NCAM2: variants seen among roughly 807,000 people sequenced by gnomAD.
NCAM2 encodes neural cell adhesion molecule 2, also known as N-CAM-2.
NCAM2 carries 30 observed loss-of-function variants against 98.1 expected under a neutral mutation model. The observed-to-expected ratio is 0.31, with a 90% CI of 0.23 to 0.41. NCAM2 has a LOEUF of 0.41. NCAM2 is among the 10% of genes least tolerant of loss of function. The probability of loss-of-function intolerance (pLI) is 1.00; values close to 1 mark genes in which losing one functional copy is unlikely to be tolerated. For missense variants in NCAM2, 867 were observed against 1,005.8 expected, an observed-to-expected ratio of 0.86 and a Z score of 1.87; for synonymous variants, 368 against 342.4, an observed-to-expected ratio of 1.07 and a Z score of -0.83.
At position 21,536,397 on chromosome 21, in the gene NCAM2, T is replaced by C. The variant is rs190417246; in HGVS notation, c.2403-1449T>C. ...GGATTGGAATACTATTTCTTTCTTT[T>C]TTTTTTTTTTCCGAGACTAGTTTCG... is the stretch of plus-strand genomic sequence containing the variant. On this transcript the variant is annotated intron_variant, in intron 17 of 17. Transcript: ENST00000400546. 4.2e-4 allele frequency among the ~76,000 whole-genome samples: 52 copies of C among 124,022 alleles called. 1 individual carries two copies. The East Asian group carries it at 9.2e-3, about 22-fold the overall frequency. The allele number at this position is 124,022 out of a possible 152,430, so 81.4% of individuals were successfully genotyped here. A position where few individuals can be genotyped will look rare whatever the true frequency, so the allele number is the denominator to read the frequency against.
intron 1 of NCAM2, among the ~76,000 whole-genome samples, chr21:21,053,116 GTTA>G (rs1189534606): frequency 3.3e-5 from 5 of 151,578 alleles, no homozygotes; most frequent in East Asian, 1.9e-4. Context: ...ATATTAAATA[GTTA>G]TTATAATTCT....
At chr21:21,239,375 G>A (rs750279813) in intron 1 of NCAM2, 1 of 152,170 alleles carries the variant, frequency 6.6e-6, no homozygotes, top group Non-Finnish European at 1.5e-5. Context: ...CAGGAGACAG[G>A]ATGCAAGCAG....
rs558630399 is a variant in NCAM2, at chr21:21,137,407, A to G, written c.55+138789A>G. On this transcript the variant is annotated intron_variant, in intron 1 of 17. Transcript: ENST00000400546. ...AATTGATACTTAAACATGTTCCTAT[A>G]AAGTATTCTAAATCAGGTGAGAGAC... 1.3e-4 allele frequency among the ~76,000 whole-genome samples: 20 copies of G among 152,346 alleles called. No individual in the cohort carries two copies. The East Asian group carries it at 3.9e-3, about 29-fold the overall frequency.
intron 11 of NCAM2, among the ~76,000 whole-genome samples, chr21:21,422,141 T>G (rs962547770): frequency 6.6e-6 from 1 of 152,072 alleles, no homozygotes; most frequent in African/African-American, 2.4e-5. Flanking sequence ...GAGTGCCCAC[T>G]TGCCAAGACA....
At chr21:21,432,060 C>T in intron 11 of NCAM2, 48 bp from the exon 12 acceptor site, 1 of 1,557,088 alleles carries the variant, frequency 6.4e-7, no homozygotes, top group Non-Finnish European at 8.8e-7. Context: ...TAATAATGGC[C>T]ATTCCCATTC....
intron 1 of NCAM2, among the ~76,000 whole-genome samples, chr21:21,027,097 A>T (rs1240929739): frequency 6.6e-6 from 1 of 152,056 alleles, no homozygotes; most frequent in Admixed American, 6.5e-5. Context: ...ACCTTAAATG[A>T]TTCACCTGCC....
intron 1 of NCAM2, among the ~76,000 whole-genome samples, chr21:21,015,522 C>T (rs1387415447): frequency 6.6e-6 from 1 of 152,156 alleles, no homozygotes; most frequent in Non-Finnish European, 1.5e-5. Flanking sequence ...AATGTATGGA[C>T]ATTTTTAGAC....
chr21:21,216,175 A>G (rs1424633163), intron 1 of NCAM2, among the ~76,000 whole-genome samples: 1 of 152,170 alleles, frequency 6.6e-6, no homozygotes, highest in Admixed American at 6.5e-5. Context: ...TATTCTGGGC[A>G]ACAGGAAAAT....
chr21:21,072,470 T>C (rs902623291), intron 1 of NCAM2, among the ~76,000 whole-genome samples: 15 of 152,036 alleles, frequency 9.9e-5, no homozygotes, highest in Non-Finnish European at 1.8e-4. Flanking sequence ...CAAACTATTA[T>C]AACATAGAGG....
intron 1 of NCAM2, among the ~76,000 whole-genome samples, chr21:21,063,210 CTTTTTTTTTTTTTTTTTTTTTTTT>C: frequency 1.5e-5 from 1 of 66,106 alleles, no homozygotes; most frequent in South Asian, 7.4e-4. Context: ...TCTTTACATT[CTTTTTTTTTTTTTTTTTTTTTTTT>C]TTTTGAGCCG....
intron 2 of NCAM2, among the ~76,000 whole-genome samples, chr21:21,282,938 A>C (rs1275605738): frequency 6.6e-6 from 1 of 151,844 alleles, no homozygotes; most frequent in Non-Finnish European, 1.5e-5. Context: ...CAAAATATTT[A>C]TCAGAATATC....
At chr21:21,448,200 A>G (rs1980481104) in intron 12 of NCAM2, among the ~76,000 whole-genome samples, 1 of 152,138 alleles carries the variant, frequency 6.6e-6, no homozygotes, top group African/African-American at 2.4e-5. Context: ...AACACCATGG[A>G]ATACTATGCA....
chr21:21,425,645 C>CAA (rs34456403), intron 11 of NCAM2, among the ~76,000 whole-genome samples: 62 of 144,874 alleles, frequency 4.3e-4, no homozygotes, highest in East Asian at 3.2e-3. Flanking sequence ...TGTATAAGAA[C>CAA]AAAAAAAAAA....
In NCAM2 at chr21:21,344,500, G is replaced by A. The variant is rs1044946945; in HGVS notation, c.1044+5966G>A. Among the ~76,000 whole-genome samples, 4 of 152,116 alleles carry A rather than the reference G, an allele frequency of 2.6e-5. No homozygotes were observed. In the South Asian group the frequency reaches 8.3e-4, roughly 32 times the overall value. On this transcript the variant is annotated intron_variant, in intron 8 of 17. Transcript: ENST00000400546. ...TTGTTGTAGTCTAGCAGTACTCCTT[G>A]TGGTCTGGGGTGGTGGTGGCTACAG... is the stretch of plus-strand genomic sequence containing the variant.
At chr21:21,372,852 A>G (rs559277356) in intron 8 of NCAM2, among the ~76,000 whole-genome samples, 1 of 151,914 alleles carries the variant, frequency 6.6e-6, no homozygotes, top group South Asian at 2.1e-4. Context: ...ATAGTTTTTC[A>G]CAAGTCAAAG....
intron 1 of NCAM2, among the ~76,000 whole-genome samples, chr21:21,100,225 CA>C (rs146253505): frequency 6.6e-6 from 1 of 150,712 alleles, no homozygotes; most frequent in South Asian, 2.1e-4. Context: ...GGTATTTGAC[CA>C]AAAAAAAGAG....
At chr21:21,087,341 A>T (rs2065924813) in intron 1 of NCAM2, among the ~76,000 whole-genome samples, 1 of 152,120 alleles carries the variant, frequency 6.6e-6, no homozygotes, top group Non-Finnish European at 1.5e-5. Context: ...AAGTCATGAG[A>T]CCGAGGAGAA....
chr21:21,518,179 T>A (rs1988817828), intron 16 of NCAM2, among the ~76,000 whole-genome samples: 1 of 152,106 alleles, frequency 6.6e-6, no homozygotes, highest in Middle Eastern at 3.2e-3. Context: ...CTAGCTACAT[T>A]TTTTTTACAT....
intron 1 of NCAM2, among the ~76,000 whole-genome samples, chr21:21,269,741 T>C (rs966927527): frequency 3.3e-5 from 5 of 152,202 alleles, no homozygotes; most frequent in African/African-American, 1.2e-4. Context: ...ATTTTTCTAA[T>C]GTGGAAGAGG....
Sources: gnomAD v4.1 joint callset for allele counts (sites outside exome capture counted in the v4.1 genomes callset) on GRCh38, gnomAD v4.1.1 for gene constraint, MANE v1.5 for transcripts, NCBI Gene and HGNC (gene_info 2026-07-23, HGNC 2026-07-21) for gene names.